The following ZSWIM6 variants were observed in gnomAD, a reference collection of about 807,000 sequenced individuals.
The protein encoded by ZSWIM6 is zinc finger SWIM-type containing 6, also known as zinc finger SWIM domain-containing protein 6.
A neutral mutation model predicts 113.2 loss-of-function variants in ZSWIM6; 9 were observed. The ratio of observed to expected loss-of-function variants is 0.08; its 90% CI spans 0.05 to 0.14. ZSWIM6 has a LOEUF of 0.14. Ranked by LOEUF, ZSWIM6 falls within the 10% of genes least tolerant of loss-of-function variation. ZSWIM6 has a pLI of 1.00. For synonymous variants in ZSWIM6, 611 were observed against 606.5 expected (o/e 1.01, Z -0.11); for missense variants, 1,162 against 1,552.2 (o/e 0.75, Z 4.22).
intron 1 of ZSWIM6, among the ~76,000 whole-genome samples, chr5:61,433,417 A>G (rs895334336): frequency 6.6e-6 from 1 of 151,698 alleles, no homozygotes; most frequent in Non-Finnish European, 1.5e-5. Context: ...TTGGATCTGT[A>G]GTATATAATA....
chr5:61,454,611 G>T lies in ZSWIM6; in HGVS notation c.677-18070G>T, dbSNP rs1279414259. Among the ~76,000 whole-genome samples the T allele has an allele frequency of 2.2e-5, 3 of 138,196 alleles. No individual in the cohort carries two copies. The Admixed American group carries it at 2.3e-4, about 11-fold the overall frequency. 90.7% of individuals were successfully genotyped at this position (138,196 alleles called of 152,430 possible). ...TCTTTTCGAGATGGAGTCCCGCTCT[G>T]TTGCCCAAGCTGGAATGTGGAATGC... On this transcript the variant is annotated intron_variant, in intron 1 of 13. Transcript: ENST00000252744.
intron 1 of ZSWIM6, among the ~76,000 whole-genome samples, chr5:61,468,866 A>G (rs1369480357): frequency 2.0e-5 from 3 of 152,310 alleles, no homozygotes; most frequent in Non-Finnish European, 4.4e-5. Flanking sequence ...ATTCCTGCAT[A>G]TTGACTGAGT....
intron 1 of ZSWIM6, among the ~76,000 whole-genome samples, chr5:61,377,945 A>T (rs1420455422): frequency 1.3e-5 from 2 of 152,224 alleles, no homozygotes; most frequent in Non-Finnish European, 2.9e-5. Context: ...AGAAATGAAA[A>T]TTAAAACTAC....
chr5:61,528,674 G>A (rs1749350701), intron 7 of ZSWIM6, among the ~76,000 whole-genome samples: 1 of 151,084 alleles, frequency 6.6e-6, no homozygotes, highest in African/African-American at 2.4e-5. Flanking sequence ...TGCAGCCTCT[G>A]CATCCTGGGT....
At chr5:61,477,664 A>C (rs1045795728) in intron 2 of ZSWIM6, among the ~76,000 whole-genome samples, 2 of 152,190 alleles carry the variant, frequency 1.3e-5, no homozygotes, top group Non-Finnish European at 2.9e-5. Context: ...ATATCAGTCT[A>C]TTCAGACTAT....
intron 1 of ZSWIM6, among the ~76,000 whole-genome samples, chr5:61,456,920 T>G (rs1187039663): frequency 6.6e-6 from 1 of 151,828 alleles, no homozygotes; most frequent in Admixed American, 6.6e-5. Flanking sequence ...TTATTATTAT[T>G]ATACTTTAAG....
At chr5:61,355,618 G>A (rs1316761456) in intron 1 of ZSWIM6, among the ~76,000 whole-genome samples, 1 of 152,130 alleles carries the variant, frequency 6.6e-6, no homozygotes, top group Admixed American at 6.6e-5. Context: ...GAAAAGGATA[G>A]TAGATTGCTA....
At position 61,546,056 on chromosome 5, in the gene ZSWIM6, GTAAT is replaced by G. The variant is rs1322846124; in HGVS notation, c.*1743_*1746del. 2.0e-5 allele frequency: 3 copies of G among 152,146 alleles called. No homozygotes were observed. Among genetic ancestry groups the G allele is most frequent in the Non-Finnish European group, 4.4e-5 (3 of 68,010 alleles). 9.4% of individuals were successfully genotyped at this position (152,146 alleles called of 1,614,324 possible). ...TGTAAACATGCTCATGAAGTTGAAAGTAATTAAGATTTGATACACTGATATCAAT... is the reference window on the plus strand; with the variant it reads ...TGTAAACATGCTCATGAAGTTGAAAGTAAGATTTGATACACTGATATCAAT... On this transcript the variant is annotated 3_prime_UTR_variant, in exon 14 of 14. Transcript: ENST00000252744.
chr5:61,389,764 C>G (rs1399397718), intron 1 of ZSWIM6, among the ~76,000 whole-genome samples: 1 of 152,094 alleles, frequency 6.6e-6, no homozygotes, highest in Non-Finnish European at 1.5e-5. Flanking sequence ...GTGCAACTGT[C>G]AGTGTTGTCA....
At chr5:61,435,076 G>A (rs1376137915) in intron 1 of ZSWIM6, among the ~76,000 whole-genome samples, 3 of 152,060 alleles carry the variant, frequency 2.0e-5, no homozygotes, top group Non-Finnish European at 4.4e-5. Flanking sequence ...TCTAACTACT[G>A]GCGAGTTGTA....
intron 3 of ZSWIM6, among the ~76,000 whole-genome samples, chr5:61,493,915 C>T (rs950460624): frequency 1.3e-4 from 20 of 152,182 alleles, no homozygotes; most frequent in African/African-American, 4.8e-4. Flanking sequence ...ATTTACTCAC[C>T]TTAATCAGTG....
At chr5:61,417,955 A>C (rs964524335) in intron 1 of ZSWIM6, among the ~76,000 whole-genome samples, 1 of 152,190 alleles carries the variant, frequency 6.6e-6, no homozygotes, top group African/African-American at 2.4e-5. Flanking sequence ...ATTCGAAGGT[A>C]CTTTATTGGT....
intron 4 of ZSWIM6, among the ~76,000 whole-genome samples, chr5:61,518,870 A>G (rs991405883): frequency 6.6e-5 from 10 of 152,054 alleles, no homozygotes; most frequent in African/African-American, 2.2e-4. Flanking sequence ...GCCCATGCCT[A>G]TGTCCTGAAT....
At chr5:61,414,015 A>G (rs1377708406) in intron 1 of ZSWIM6, among the ~76,000 whole-genome samples, 2 of 152,122 alleles carry the variant, frequency 1.3e-5, no homozygotes, top group Non-Finnish European at 2.9e-5. Flanking sequence ...GCAGAGCAGT[A>G]TGAGGAGAGA....
chr5:61,415,126 C>A (rs1746220572), intron 1 of ZSWIM6, among the ~76,000 whole-genome samples: 2 of 152,164 alleles, frequency 1.3e-5, no homozygotes, highest in Non-Finnish European at 1.5e-5. Flanking sequence ...CAACACAGAG[C>A]TAATAGTTTT....
At chr5:61,456,572 G>T (rs1376072928) in intron 1 of ZSWIM6, among the ~76,000 whole-genome samples, 2 of 152,208 alleles carry the variant, frequency 1.3e-5, no homozygotes, top group African/African-American at 2.4e-5. Flanking sequence ...CACAAGAAAT[G>T]ATTCTCTTAG....
chr5:61,403,414 A>C (rs540588636), intron 1 of ZSWIM6, among the ~76,000 whole-genome samples: 141 of 152,374 alleles, frequency 9.3e-4, no homozygotes, highest in African/African-American at 3.3e-3. Flanking sequence ...ACCTGTGGTC[A>C]GTCCTGTTCC....
intron 4 of ZSWIM6, among the ~76,000 whole-genome samples, chr5:61,518,999 C>G (rs1197022557): frequency 6.6e-6 from 1 of 152,006 alleles, no homozygotes; most frequent in Non-Finnish European, 1.5e-5. Context: ...TTTCAGCTTT[C>G]TACATATGGC....
At position 61,537,965 on chromosome 5, in the gene ZSWIM6, G is replaced by T. The variant is rs188109690; in HGVS notation, c.2382-849G>T. ...CTTTTTTTATTTGTTTTGAGACAGGGTTTTGCTCTGTTGCCCTGGCTGGAG... is the reference window on the plus strand; with the variant it reads ...CTTTTTTTATTTGTTTTGAGACAGGTTTTTGCTCTGTTGCCCTGGCTGGAG... On this transcript the variant is annotated intron_variant, in intron 10 of 13. Coordinates refer to ENST00000252744, the MANE Select transcript of ZSWIM6 (RefSeq NM_020928.2). Among the ~76,000 whole-genome samples, 5 of 152,186 alleles carry T rather than the reference G, an allele frequency of 3.3e-5. No individual in the cohort carries two copies. The East Asian group carries it at 9.6e-4, about 29-fold the overall frequency.
Sources: gnomAD v4.1 joint callset for allele counts (sites outside exome capture counted in the v4.1 genomes callset) on GRCh38, gnomAD v4.1.1 for gene constraint, MANE v1.5 for transcripts, NCBI Gene and HGNC (gene_info 2026-07-23, HGNC 2026-07-21) for gene names.